Variants in FAM135B observed in about 807,000 individuals in gnomAD.
FAM135B encodes protein FAM135B.
FAM135B carries 43 observed loss-of-function variants against 127.7 expected under a neutral mutation model. That is an observed-to-expected ratio of 0.34 (90% confidence interval 0.26 to 0.43). The LOEUF (loss-of-function observed/expected upper bound fraction) is 0.43, where lower values mean the gene tolerates loss of function less well. FAM135B is among the 20% of genes least tolerant of loss of function. FAM135B has a pLI of 1.00. For synonymous variants in FAM135B, 670 were observed against 665.1 expected (o/e 1.01, Z -0.11); for missense variants, 1,558 against 1,725.6 (o/e 0.90, Z 1.72).
At chr8:138,483,707 G>A (rs1351191540) in intron 1 of FAM135B, among the ~76,000 whole-genome samples, 4 of 152,116 alleles carry the variant, frequency 2.6e-5, no homozygotes, top group African/African-American at 9.7e-5. Flanking sequence ...AAAAATACTT[G>A]CAAGGACAAC....
chr8:138,372,237 A>G (rs979206275), intron 1 of FAM135B, among the ~76,000 whole-genome samples: 2 of 152,288 alleles, frequency 1.3e-5, no homozygotes, highest in South Asian at 4.1e-4. Flanking sequence ...ACTGCCCTTC[A>G]CTGTGTAACC....
intron 4 of FAM135B, among the ~76,000 whole-genome samples, chr8:138,261,097 A>G (rs1822505078): frequency 6.6e-6 from 1 of 151,174 alleles, no homozygotes; most frequent in South Asian, 2.1e-4. Context: ...CCATTTTTCT[A>G]CTTATCCAAA....
intron 12 of FAM135B, 29 bp downstream of exon 12, chr8:138,167,866 T>G: frequency 4.4e-6 from 7 of 1,588,540 alleles, no homozygotes; most frequent in Non-Finnish European, 6.0e-6. Flanking sequence ...GCCTTATTCC[T>G]GAGTCTTTCC....
chr8:138,283,189 C>G (rs1280896222), intron 3 of FAM135B, among the ~76,000 whole-genome samples: 1 of 152,040 alleles, frequency 6.6e-6, no homozygotes, highest in Non-Finnish European at 1.5e-5. Flanking sequence ...TCATAATTGC[C>G]AAAACCTGGA....
intron 1 of FAM135B, among the ~76,000 whole-genome samples, chr8:138,433,592 T>C (rs1270471333): frequency 1.3e-5 from 2 of 151,940 alleles, no homozygotes; most frequent in African/African-American, 4.8e-5. Context: ...GAGTATTAAA[T>C]AAATGTAATC....
chr8:138,351,105 G>A (rs1203221167), intron 2 of FAM135B, among the ~76,000 whole-genome samples: 1 of 152,152 alleles, frequency 6.6e-6, no homozygotes, highest in Non-Finnish European at 1.5e-5. Context: ...TATAAGGCAT[G>A]CCTTTTTATG....
rs1008621742 is a variant in FAM135B at position 138,241,140 on chromosome 8, G to A, written c.669+1802C>T. 1.3e-5 allele frequency among the ~76,000 whole-genome samples: 2 copies of A among 152,156 alleles called. No individual in the cohort carries two copies. Among genetic ancestry groups the A allele is most frequent in the African/African-American group, 2.4e-5 (1 of 41,440 alleles). On this transcript the variant is annotated intron_variant, in intron 7 of 19. Transcript: ENST00000395297. This position sits in a 1 kb window ranked among gnomAD's most constrained non-coding sequence, Gnocchi z 4.8. ...CAGCAAAGGCTTCGGCCGACCACGGGGAGCTTTGCCTCAGTGATGGTCCTG... is the reference window on the plus strand; with the variant it reads ...CAGCAAAGGCTTCGGCCGACCACGGAGAGCTTTGCCTCAGTGATGGTCCTG...
chr8:138,288,292 G>T lies in FAM135B; in HGVS notation c.158-22450C>A, dbSNP rs7820793. 4.3e-3 allele frequency among the ~76,000 whole-genome samples: 651 copies of T among 152,230 alleles called. 4 individuals carry two copies. The highest frequency in any genetic ancestry group is 0.014 in the African/African-American group (578 of 41,534). ...CTAGGAAGTTTTATAATCTGTCATT[G>T]AATAAATGGACATTAAGGAGTCATT... On this transcript the variant is annotated intron_variant, in intron 3 of 19. Coordinates refer to ENST00000395297, the MANE Select transcript of FAM135B (RefSeq NM_015912.4).
chr8:138,150,440 C>T (rs571731140), intron 13 of FAM135B, among the ~76,000 whole-genome samples: 55 of 152,240 alleles, frequency 3.6e-4, no homozygotes, highest in East Asian at 1.4e-3. Context: ...GAGGCCCAGG[C>T]GGGTAGATCA....
In FAM135B at chr8:138,151,548, G is replaced by A. The variant is rs147601721; in HGVS notation, c.2927C>T (p.Pro976Leu). 1.3e-4 allele frequency: 209 copies of A among 1,614,170 alleles called. No homozygotes were observed. The African/African-American group carries it at 1.9e-3, about 15-fold the overall frequency. Reference protein sequence around the residue: ...TAFNRGVNAFPEAKHKAGTVC... With the variant: ...TAFNRGVNAFLEAKHKAGTVC... ...AGTGCCTGCTTTATGTTTAGCCTCC[G>A]GGAAGGCATTCACTCCTCTATTAAA... Residue 976 changes from proline to leucine, a missense_variant, in exon 13 of 20, where the codon CCG becomes CTG. Physicochemically the swap from Pro to Leu is moderately conservative, Grantham distance 98 (BLOSUM62 -3). Transcript: ENST00000395297.
intron 10 of FAM135B, 24 bp from the exon 11 acceptor site, chr8:138,177,444 A>C: frequency 1.3e-6 from 2 of 1,593,520 alleles, no homozygotes; most frequent in Non-Finnish European, 1.7e-6. Flanking sequence ...CAATGTAAAC[A>C]GTTCAATTCT....
chr8:138,359,717 G>C (rs16908928), intron 2 of FAM135B, among the ~76,000 whole-genome samples: 4,910 of 152,276 alleles, frequency 0.032, 158 homozygotes, highest in East Asian at 0.17. Context: ...GGCAAGCAAA[G>C]ATAATTGTAT....
intron 3 of FAM135B, among the ~76,000 whole-genome samples, chr8:138,290,930 G>A (rs140407758): frequency 2.8e-3 from 422 of 152,262 alleles, no homozygotes; most frequent in Non-Finnish European, 4.9e-3. Context: ...ATCAGCCATG[G>A]AGATTGAGCC....
chr8:138,358,865 G>A (rs1383103166), intron 2 of FAM135B, among the ~76,000 whole-genome samples: 1 of 152,070 alleles, frequency 6.6e-6, no homozygotes, highest in Non-Finnish European at 1.5e-5. Context: ...CCCTGTGGGT[G>A]GCTCTGAGCT....
chr8:138,221,765 C>A (rs1819039445), intron 7 of FAM135B, among the ~76,000 whole-genome samples: 1 of 152,198 alleles, frequency 6.6e-6, no homozygotes. Context: ...TCTTAAAAAG[C>A]AAGCTTTGGA....
chr8:138,350,175 G>A (rs1235358020), intron 2 of FAM135B, among the ~76,000 whole-genome samples: 3 of 152,132 alleles, frequency 2.0e-5, no homozygotes, highest in Non-Finnish European at 4.4e-5. Flanking sequence ...GTACTCATCT[G>A]AGAAGTTTCC....
chr8:138,196,357 C>T (rs1334424728), intron 8 of FAM135B, among the ~76,000 whole-genome samples: 1 of 152,072 alleles, frequency 6.6e-6, no homozygotes, highest in Admixed American at 6.6e-5. Flanking sequence ...TGCCTGAGTA[C>T]AGGATTTGTA....
chr8:138,254,040 C>T (rs1821899067), intron 5 of FAM135B, among the ~76,000 whole-genome samples: 1 of 152,168 alleles, frequency 6.6e-6, no homozygotes, highest in South Asian at 2.1e-4. Flanking sequence ...TGAAGCCTGG[C>T]CTCACTTCCA....
chr8:138,240,393 G>A (rs1390426047), intron 7 of FAM135B, among the ~76,000 whole-genome samples: 2 of 152,142 alleles, frequency 1.3e-5, no homozygotes, highest in Non-Finnish European at 2.9e-5. Flanking sequence ...TCTGAGCTGG[G>A]CACACACACG....
Sources: allele counts gnomAD v4.1 joint callset (sites outside exome capture counted in the v4.1 genomes callset), GRCh38; gene constraint gnomAD v4.1.1; non-coding constraint Gnocchi (gnomAD v3.1); transcripts MANE v1.5; gene names NCBI Gene and HGNC (gene_info 2026-07-23, HGNC 2026-07-21).